NAA35: variants seen among roughly 807,000 people sequenced by gnomAD.
The protein encoded by NAA35 is MAK10 homolog, amino-acid N-acetyltransferase subunit.
NAA35 carries 18 observed loss-of-function variants against 101.7 expected under a neutral mutation model. The ratio of observed to expected loss-of-function variants is 0.18; its 90% CI spans 0.12 to 0.26. The LOEUF is 0.26. Among genes scored for constraint, NAA35 ranks in the 10% least tolerant of loss-of-function variants. The probability of loss-of-function intolerance (pLI) is 1.00; values close to 1 mark genes in which losing one functional copy is unlikely to be tolerated. For synonymous variants in NAA35, 267 were observed against 273.1 expected (o/e 0.98, Z 0.22); for missense variants, 601 against 886.8 (o/e 0.68, Z 4.09).
chr9:85,970,938 C>A (rs984819650), intron 6 of NAA35, among the ~76,000 whole-genome samples: 4 of 152,206 alleles, frequency 2.6e-5, no homozygotes, highest in African/African-American at 9.6e-5. Context: ...AAGTGCTAAC[C>A]TGTTTGTTAA....
intron 15 of NAA35, among the ~76,000 whole-genome samples, chr9:86,010,327 T>C (rs1831847036): frequency 6.6e-6 from 1 of 152,086 alleles, no homozygotes. Context: ...CTAATATTTC[T>C]TGTTTACTTT....
intron 11 of NAA35, among the ~76,000 whole-genome samples, chr9:85,994,737 G>A (rs1288850006): frequency 1.3e-5 from 2 of 152,034 alleles, no homozygotes; most frequent in African/African-American, 2.4e-5. Context: ...TCTTTTATCC[G>A]GGGGGAAGGG....
chr9:85,965,875 T>G (rs1829722107), intron 6 of NAA35, among the ~76,000 whole-genome samples: 2 of 152,082 alleles, frequency 1.3e-5, no homozygotes, highest in South Asian at 4.1e-4. Flanking sequence ...ACTGTTGGGA[T>G]TTTTAGGGTG....
At chr9:85,966,676 T>G (rs1437063755) in intron 6 of NAA35, 2 of 1,272,454 alleles carry the variant, frequency 1.6e-6, no homozygotes, top group Non-Finnish European at 1.0e-6. Flanking sequence ...AGGAATGCAG[T>G]AAGTTGACAC....
chr9:85,944,144 C>T (rs964198030), intron 2 of NAA35, among the ~76,000 whole-genome samples: 1 of 152,126 alleles, frequency 6.6e-6, no homozygotes, highest in Non-Finnish European at 1.5e-5. Flanking sequence ...GCTTTATAGT[C>T]AGATATGAGC....
At chr9:86,000,815 A>G (rs138596850) in intron 12 of NAA35, among the ~76,000 whole-genome samples, 2 of 151,698 alleles carry the variant, frequency 1.3e-5, no homozygotes, top group Non-Finnish European at 2.9e-5. Context: ...CTGGTGGCCT[A>G]TTTTATTTTT....
chr9:85,948,293 G>T (rs1398933284), intron 2 of NAA35, among the ~76,000 whole-genome samples: 1 of 152,078 alleles, frequency 6.6e-6, no homozygotes, highest in Non-Finnish European at 1.5e-5. Flanking sequence ...CCAAAAATTG[G>T]TGTACTTATC....
intron 17 of NAA35, 72 bp from the exon 18 acceptor site, chr9:86,016,467 C>CGTT (rs10651022): frequency 0.21 from 274,550 of 1,286,058 alleles, 36,503 homozygotes; most frequent in African/African-American, 0.59. Flanking sequence ...AAATATCTAT[C>CGTT]GTTAATATAT....
At chr9:86,002,184 T>C (rs1831442636) in intron 12 of NAA35, among the ~76,000 whole-genome samples, 1 of 152,014 alleles carries the variant, frequency 6.6e-6, no homozygotes, top group Non-Finnish European at 1.5e-5. Context: ...ATGTTGAATA[T>C]AGGACCCCAA....
intron 11 of NAA35, among the ~76,000 whole-genome samples, chr9:85,984,110 A>T (rs919226208): frequency 6.6e-6 from 1 of 151,910 alleles, no homozygotes; most frequent in Admixed American, 6.6e-5. Context: ...GGAAGATTGC[A>T]TGAGGCCAGG....
intron 21 of NAA35, among the ~76,000 whole-genome samples, chr9:86,019,681 C>G (rs777466072): frequency 2.0e-5 from 3 of 152,234 alleles, no homozygotes; most frequent in Middle Eastern, 6.8e-3. Context: ...CATTTATTTT[C>G]TAAAAGTTAC....
intron 11 of NAA35, among the ~76,000 whole-genome samples, chr9:85,994,168 T>C (rs1048587847): frequency 1.5e-4 from 23 of 152,248 alleles, no homozygotes; most frequent in African/African-American, 4.6e-4. Flanking sequence ...TTTGGTTAAA[T>C]AAAACGTAAA....
At chr9:86,009,832 A>C in intron 14 of NAA35, 33 bp from the exon 15 acceptor site, 1 of 1,556,154 alleles carries the variant, frequency 6.4e-7, no homozygotes, top group Non-Finnish European at 8.9e-7. Context: ...TTTGGGCTGA[A>C]TAGATTTTAA....
chr9:86,003,935 A>C lies in NAA35; in HGVS notation c.1116+291A>C, dbSNP rs117578801. Among the ~76,000 whole-genome samples the C allele has an allele frequency of 2.2e-3, 338 of 152,306 alleles. 3 individuals carry two copies. In the East Asian group the frequency reaches 0.033, roughly 15 times the overall value. On this transcript the variant is annotated intron_variant, in intron 13 of 22. Transcript: ENST00000361671. Reference sequence around the variant, plus strand: ...CAACAAGGGAATGATATCCAGGAAAATCTCCAAATATTTTGAAATTAAACA... The same window carrying C: ...CAACAAGGGAATGATATCCAGGAAACTCTCCAAATATTTTGAAATTAAACA...
Position 86,018,731 on chromosome 9 carries a change from T to C in NAA35, c.1947T>C (p.Pro649=), listed in dbSNP as rs1369749020. The C allele has an allele frequency of 6.2e-7, 1 of 1,614,020 alleles. No homozygotes were observed. The highest frequency in any genetic ancestry group is 1.1e-5 in the South Asian group (1 of 91,052). The part of the protein sequence containing the change: ...EMSDLNKYSP[P]PQSPELYVAA... Reference sequence around the variant, plus strand: ...CTGACCTCAATAAATATAGCCCTCCTCCTCAGTCTCCTGAACTGTATGTGG... The same window carrying C: ...CTGACCTCAATAAATATAGCCCTCCCCCTCAGTCTCCTGAACTGTATGTGG... Residue 649 remains proline (P), a synonymous_variant, in exon 21 of 23, where the codon CCT becomes CCC. Coordinates refer to ENST00000361671, the MANE Select transcript of NAA35 (RefSeq NM_024635.4).
intron 2 of NAA35, among the ~76,000 whole-genome samples, chr9:85,953,123 G>A (rs1447217916): frequency 1.3e-5 from 2 of 152,016 alleles, no homozygotes; most frequent in African/African-American, 4.8e-5. Context: ...TGAGGTGGGA[G>A]GATCACCTGA....
intron 17 of NAA35, 45 bp downstream of exon 17, chr9:86,013,942 T>A: frequency 1.4e-6 from 2 of 1,380,518 alleles, no homozygotes; most frequent in South Asian, 2.9e-5. Context: ...GTGCAATGGA[T>A]AAGATCTGAG....
At chr9:85,975,603 T>A (rs1830179487) in intron 8 of NAA35, among the ~76,000 whole-genome samples, 1 of 152,240 alleles carries the variant, frequency 6.6e-6, no homozygotes, top group South Asian at 2.1e-4. Flanking sequence ...TTGAATTTTT[T>A]AATGTTATTT....
At chr9:85,951,421 G>T (rs973451268) in intron 2 of NAA35, among the ~76,000 whole-genome samples, 13 of 152,068 alleles carry the variant, frequency 8.5e-5, no homozygotes, top group African/African-American at 2.9e-4. Flanking sequence ...GATAATTTTG[G>T]ATATTCCTCT....
Sources: gnomAD v4.1 joint callset for allele counts (sites outside exome capture counted in the v4.1 genomes callset) on GRCh38, gnomAD v4.1.1 for gene constraint, MANE v1.5 for transcripts, NCBI Gene and HGNC (gene_info 2026-07-23, HGNC 2026-07-21) for gene names.